CDH13: variants seen among roughly 807,000 people sequenced by gnomAD.
CDH13 encodes cadherin-13.
In CDH13, 24 loss-of-function variants were observed where a neutral mutation model predicts 63.8. The ratio of observed to expected loss-of-function variants is 0.38; its 90% CI spans 0.27 to 0.53. CDH13 has a LOEUF of 0.53. CDH13 is among the 20% of genes least tolerant of loss of function. The pLI is 0.85. For missense variants in CDH13, 1,049 were observed against 903.1 expected, an observed-to-expected ratio of 1.16 and a Z score of -2.07; for synonymous variants, 503 against 355.3, an observed-to-expected ratio of 1.42 and a Z score of -4.67.
chr16:82,678,228 A>C (rs938047882), intron 1 of CDH13, among the ~76,000 whole-genome samples: 1 of 152,094 alleles, frequency 6.6e-6, no homozygotes, highest in African/African-American at 2.4e-5. Context: ...TATAGTTCAT[A>C]GGTCTAGGAT....
intron 2 of CDH13, among the ~76,000 whole-genome samples, chr16:82,997,263 G>A (rs1161048932): frequency 6.6e-6 from 1 of 152,012 alleles, no homozygotes; most frequent in Non-Finnish European, 1.5e-5. Context: ...TAGATATTGT[G>A]CTAAATATTT....
Position 83,309,108 on chromosome 16 carries a change from T to A in CDH13, c.637-35754T>A, listed in dbSNP as rs184329288. On this transcript the variant is annotated intron_variant, in intron 5 of 13. Coordinates refer to ENST00000567109, the MANE Select transcript of CDH13 (RefSeq NM_001257.5). ...CTCCATATCGTAACTCTGTTTTATA[T>A]TCTTTTGACTTTCCTGTTTCTTCTG... Among the ~76,000 whole-genome samples the A allele has an allele frequency of 1.7e-3, 255 of 152,308 alleles. 2 individuals carry two copies. The highest frequency in any genetic ancestry group is 0.015 in the Admixed American group (230 of 15,304).
chr16:82,733,128 A>C (rs1197205631), intron 1 of CDH13, among the ~76,000 whole-genome samples: 1 of 152,194 alleles, frequency 6.6e-6, no homozygotes, highest in Non-Finnish European at 1.5e-5. Flanking sequence ...GAAGTTTGCT[A>C]TCCAACTGGA....
intron 10 of CDH13, among the ~76,000 whole-genome samples, chr16:83,692,110 C>T (rs969355920): frequency 6.6e-6 from 1 of 152,228 alleles, no homozygotes; most frequent in Non-Finnish European, 1.5e-5. Flanking sequence ...AAACTGAAGC[C>T]AGAGAAGCGT....
intron 5 of CDH13, among the ~76,000 whole-genome samples, chr16:83,288,778 C>A (rs2089391252): frequency 6.6e-6 from 1 of 152,222 alleles, no homozygotes; most frequent in Admixed American, 6.5e-5. Flanking sequence ...GCAAAACGAG[C>A]CGCTGCAGTG....
intron 10 of CDH13, among the ~76,000 whole-genome samples, chr16:83,711,973 C>A (rs1486306077): frequency 6.6e-6 from 1 of 152,166 alleles, no homozygotes; most frequent in East Asian, 1.9e-4. Context: ...AGAGTTGGTT[C>A]CTTCTGAGGC....
At chr16:83,010,058 C>T (rs956031745) in intron 2 of CDH13, among the ~76,000 whole-genome samples, 2 of 142,892 alleles carry the variant, frequency 1.4e-5, no homozygotes, top group Non-Finnish European at 3.0e-5. Context: ...TCACTTCAAC[C>T]CAGGAGGTGG....
intron 3 of CDH13, among the ~76,000 whole-genome samples, chr16:83,114,677 G>A (rs7203162): frequency 0.49 from 74,499 of 152,050 alleles, 18,704 homozygotes; most frequent in Non-Finnish European, 0.55. Context: ...GAAATTTAGG[G>A]AGCTTGTATC....
chr16:83,091,948 C>G (rs974304124), intron 3 of CDH13, among the ~76,000 whole-genome samples: 1 of 152,172 alleles, frequency 6.6e-6, no homozygotes. Flanking sequence ...TATAATTTCA[C>G]AAATAATTCT....
At chr16:83,625,405 A>G (rs6563954) in intron 8 of CDH13, among the ~76,000 whole-genome samples, 24,318 of 151,968 alleles carry the variant, frequency 0.16, 2,413 homozygotes, top group African/African-American at 0.27. Context: ...TTGGAGGGTC[A>G]CCCATTCATT....
chr16:82,791,424 CAG>C (rs1037933610), intron 1 of CDH13, among the ~76,000 whole-genome samples: 2 of 152,176 alleles, frequency 1.3e-5, no homozygotes, highest in African/African-American at 4.8e-5. Context: ...CCTGAGAACA[CAG>C]GGGGAGCGAC....
At chr16:83,176,800 A>T (rs2038144012) in intron 4 of CDH13, among the ~76,000 whole-genome samples, 1 of 152,090 alleles carries the variant, frequency 6.6e-6, no homozygotes, top group Non-Finnish European at 1.5e-5. Flanking sequence ...GACCCTTCTA[A>T]TTCCAAAGTT....
intron 2 of CDH13, among the ~76,000 whole-genome samples, chr16:82,957,744 T>A (rs796694907): frequency 6.6e-6 from 1 of 152,218 alleles, no homozygotes; most frequent in Non-Finnish European, 1.5e-5. Context: ...TTATATGCAT[T>A]AAATGGGATA....
intron 1 of CDH13, among the ~76,000 whole-genome samples, chr16:82,784,955 C>T (rs528556237): frequency 6.6e-6 from 1 of 152,138 alleles, no homozygotes; most frequent in South Asian, 2.1e-4. Context: ...AGAGCTGCTC[C>T]GGGCTGAGAT....
intron 7 of CDH13, among the ~76,000 whole-genome samples, chr16:83,492,360 C>T (rs192631707): frequency 6.6e-6 from 1 of 152,134 alleles, no homozygotes; most frequent in Non-Finnish European, 1.5e-5. Context: ...TAATTACACA[C>T]AATTCAATCA....
chr16:83,015,681 A>G (rs185502770), intron 2 of CDH13, among the ~76,000 whole-genome samples: 548 of 37,840 alleles, frequency 0.014, no homozygotes, highest in African/African-American at 0.027. Context: ...GTGTATGTAT[A>G]TATATATATA....
intron 4 of CDH13, among the ~76,000 whole-genome samples, chr16:83,169,814 T>G (rs936797723): frequency 6.6e-6 from 1 of 152,142 alleles, no homozygotes; most frequent in Admixed American, 6.6e-5. Context: ...TTTTTCCTTA[T>G]GCGTATTCTC....
chr16:83,580,761 G>A (rs1414620150), intron 7 of CDH13, among the ~76,000 whole-genome samples: 1 of 152,006 alleles, frequency 6.6e-6, no homozygotes, highest in Non-Finnish European at 1.5e-5. Context: ...CAAAGTGCTG[G>A]TATTACAGGC....
chr16:83,496,290 T>C (rs1321305681), intron 7 of CDH13, among the ~76,000 whole-genome samples: 2 of 146,826 alleles, frequency 1.4e-5, no homozygotes, highest in East Asian at 4.0e-4. Context: ...CAAAACAGCA[T>C]GGTACTGGTA....
Sources: gnomAD v4.1 joint callset for allele counts (sites outside exome capture counted in the v4.1 genomes callset) on GRCh38, gnomAD v4.1.1 for gene constraint, MANE v1.5 for transcripts, NCBI Gene and HGNC (gene_info 2026-07-23, HGNC 2026-07-21) for gene names.